AKAP7: variants seen among roughly 807,000 people sequenced by gnomAD.
AKAP7 encodes the protein A kinase (PRKA) anchor protein 7.
AKAP7 carries 39 observed loss-of-function variants against 39.5 expected under a neutral mutation model. That is an observed-to-expected ratio of 0.99 (90% CI 0.76 to 1.29). The LOEUF is 1.29. Among genes scored for constraint, AKAP7 ranks in the 50% most tolerant of loss-of-function variants. The pLI, the probability that AKAP7 is intolerant of heterozygous loss-of-function variation, is 0.00. For synonymous variants in AKAP7, 140 were observed against 139.1 expected (o/e 1.01, Z -0.05); for missense variants, 414 against 407.7 (o/e 1.02, Z -0.13).
chr6:131,157,245 AAGTAGCT>A (rs1291325657), intron 2 of AKAP7, among the ~76,000 whole-genome samples: 1 of 152,206 alleles, frequency 6.6e-6, no homozygotes, highest in African/African-American at 2.4e-5. Flanking sequence ...AGATCCTATG[AAGTAGCT>A]ATTATTATTA....
intron 6 of AKAP7, among the ~76,000 whole-genome samples, chr6:131,201,932 T>C (rs1190810): frequency 0.31 from 47,398 of 151,938 alleles, 7,724 homozygotes; most frequent in Non-Finnish European, 0.36. Flanking sequence ...CAAACAACCC[T>C]ATCAAAAAGT....
intron 5 of AKAP7, among the ~76,000 whole-genome samples, chr6:131,197,540 T>C (rs1483898557): frequency 1.3e-5 from 2 of 152,172 alleles, no homozygotes; most frequent in Non-Finnish European, 2.9e-5. Context: ...AGCTTACTGA[T>C]ATTCTATTCT....
chr6:131,150,985 T>A (rs1801863143), intron 2 of AKAP7, among the ~76,000 whole-genome samples: 1 of 152,190 alleles, frequency 6.6e-6, no homozygotes, highest in African/African-American at 2.4e-5. Context: ...AATAATAATA[T>A]TGAGCTCCTC....
chr6:131,185,128 G>T, intron 5 of AKAP7: 1 of 620,252 alleles, frequency 1.6e-6, no homozygotes, highest in Non-Finnish European at 3.1e-6. Flanking sequence ...GTGTGCAACA[G>T]AACCTCTAAA....
At chr6:131,132,780 A>G (rs1280878149), upstream of AKAP7, among the ~76,000 whole-genome samples, 1 of 152,248 alleles carries the variant, frequency 6.6e-6, no homozygotes, top group Non-Finnish European at 1.5e-5. Flanking sequence ...TTATGGCAAG[A>G]CTACCTTGCA....
At chr6:131,199,003 T>C (rs2128280647) in intron 5 of AKAP7, among the ~76,000 whole-genome samples, 1 of 152,330 alleles carries the variant, frequency 6.6e-6, no homozygotes, top group East Asian at 1.9e-4. Context: ...CATTCAAAGA[T>C]GTAAGCTGGA....
intron 4 of AKAP7, among the ~76,000 whole-genome samples, chr6:131,167,046 G>T (rs533189100): frequency 5.3e-5 from 8 of 152,260 alleles, no homozygotes; most frequent in African/African-American, 1.7e-4. Flanking sequence ...ATTAGGCTAA[G>T]CCCTGCTGCT....
intron 5 of AKAP7, among the ~76,000 whole-genome samples, chr6:131,189,413 G>A (rs921437833): frequency 6.6e-5 from 10 of 152,016 alleles, no homozygotes; most frequent in East Asian, 1.9e-4. Flanking sequence ...TCATGTGATC[G>A]TATAAACATC....
chr6:131,274,546 C>T lies in AKAP7; in HGVS notation c.851-6984C>T, dbSNP rs529971004. ...AGAGATGTGGTCTCACTATGTTGCT[C>T]AGACTGGACTTGAACTCATGGGCTC... On this transcript the variant is annotated intron_variant, in intron 7 of 7. Coordinates refer to ENST00000431975, the MANE Select transcript of AKAP7 (RefSeq NM_016377.4). Among the ~76,000 whole-genome samples, 316 of 152,258 alleles carry T rather than the reference C, an allele frequency of 2.1e-3. 1 individual carries two copies. The highest frequency in any genetic ancestry group is 7.3e-3 in the African/African-American group (303 of 41,540).
chr6:131,132,789 C>A (rs1339789537), upstream of AKAP7, among the ~76,000 whole-genome samples: 1 of 152,200 alleles, frequency 6.6e-6, no homozygotes, highest in Non-Finnish European at 1.5e-5. Context: ...GACTACCTTG[C>A]AGTGATGATA....
intron 7 of AKAP7, among the ~76,000 whole-genome samples, chr6:131,253,854 C>A (rs1456899171): frequency 6.6e-6 from 1 of 152,026 alleles, no homozygotes; most frequent in Non-Finnish European, 1.5e-5. Flanking sequence ...ATATATACCA[C>A]ATTTTCATTA....
intron 3 of AKAP7, among the ~76,000 whole-genome samples, chr6:131,161,302 A>C (rs1802922324): frequency 1.3e-5 from 2 of 152,030 alleles, no homozygotes; most frequent in Admixed American, 1.3e-4. Context: ...TCATATTCTG[A>C]TTTTACTGAT....
At chr6:131,154,461 T>C (rs564893022) in intron 2 of AKAP7, among the ~76,000 whole-genome samples, 18 of 139,244 alleles carry the variant, frequency 1.3e-4, no homozygotes, top group Non-Finnish European at 2.3e-4. Flanking sequence ...CGTTCCTCCC[T>C]GTCCCTGTTT....
intron 7 of AKAP7, among the ~76,000 whole-genome samples, chr6:131,280,470 C>T (rs561279137): frequency 3.4e-4 from 52 of 152,302 alleles, no homozygotes; most frequent in African/African-American, 1.2e-3. Context: ...GTACAGGAAA[C>T]AGTGTCCATC....
Position 131,212,257 on chromosome 6 carries a change from C to T in AKAP7, c.703-7404C>T, listed in dbSNP as rs369516112. Among the ~76,000 whole-genome samples the T allele has an allele frequency of 1.3e-3, 202 of 152,204 alleles. 2 individuals are homozygous for T. The South Asian group carries it at 0.038, about 28-fold the overall frequency. ...TAAGTTTGAAATGTGGGCAAGGTTCCGGTTGAATGTTATATAAAAATTATT... is the reference window on the plus strand; with the variant it reads ...TAAGTTTGAAATGTGGGCAAGGTTCTGGTTGAATGTTATATAAAAATTATT... On this transcript the variant is annotated intron_variant, in intron 6 of 7. Transcript: ENST00000431975.
At chr6:131,138,390 C>T (rs896340977) in intron 1 of AKAP7, among the ~76,000 whole-genome samples, 4 of 152,206 alleles carry the variant, frequency 2.6e-5, no homozygotes, top group African/African-American at 9.6e-5. Flanking sequence ...ACTTAAATTG[C>T]TTCCAAATCT....
intron 4 of AKAP7, among the ~76,000 whole-genome samples, chr6:131,166,931 G>C (rs779907947): frequency 6.6e-6 from 1 of 150,744 alleles, no homozygotes; most frequent in Non-Finnish European, 1.5e-5. Context: ...TCAGTGGATT[G>C]GATATGGAAT....
chr6:131,205,052 G>A (rs943489109), intron 6 of AKAP7, among the ~76,000 whole-genome samples: 1 of 152,134 alleles, frequency 6.6e-6, no homozygotes, highest in Non-Finnish European at 1.5e-5. Flanking sequence ...TTGGTAAAAA[G>A]GGGTGTGCTG....
intron 5 of AKAP7, among the ~76,000 whole-genome samples, chr6:131,173,173 C>T (rs1386156089): frequency 1.4e-5 from 2 of 148,022 alleles, no homozygotes; most frequent in East Asian, 4.0e-4. Context: ...TGCACTCCAG[C>T]CTAGGTGACA....
Sources: gnomAD v4.1 joint callset for allele counts (sites outside exome capture counted in the v4.1 genomes callset) on GRCh38, gnomAD v4.1.1 for gene constraint, MANE v1.5 for transcripts, NCBI Gene and HGNC (gene_info 2026-07-23, HGNC 2026-07-21) for gene names.